Variants in PLAC1 observed in about 807,000 individuals in gnomAD.
PLAC1 encodes the protein placenta-specific protein 1.
For synonymous variants in PLAC1, 68 were observed against 62.1 expected (o/e 1.09, Z -0.44); for missense variants, 136 against 163.2 (o/e 0.83, Z 0.91).
intron 2 of PLAC1, among the ~76,000 whole-genome samples, chrX:134,586,643 G>C (rs1045934839): frequency 4.3e-4 from 46 of 106,395 alleles, no homozygotes; most frequent in African/African-American, 1.5e-3. Flanking sequence ...CCTTCTCCTC[G>C]CTAACATTTT....
chrX:134,575,763 C>T (rs1350411343), intron 2 of PLAC1, among the ~76,000 whole-genome samples: 16 of 88,192 alleles, frequency 1.8e-4, no homozygotes, highest in East Asian at 3.8e-4. Context: ...AATAAGACTC[C>T]GTCTCAAAAA....
At chrX:134,663,561 A>C (rs1211877958) in intron 2 of PLAC1, among the ~76,000 whole-genome samples, 2 of 112,510 alleles carry the variant, frequency 1.8e-5, no homozygotes, top group Non-Finnish European at 3.8e-5. Flanking sequence ...GAATAGGTTC[A>C]TGGTTCCTTT....
intron 2 of PLAC1, among the ~76,000 whole-genome samples, chrX:134,716,107 T>A (rs1260715573): frequency 8.9e-6 from 1 of 111,910 alleles, no homozygotes; most frequent in Admixed American, 9.4e-5. Flanking sequence ...CCTACCCCAG[T>A]CCCCTCCTCC....
intron 2 of PLAC1, among the ~76,000 whole-genome samples, chrX:134,723,778 A>G (rs763327929): frequency 8.9e-6 from 1 of 111,990 alleles, no homozygotes; most frequent in African/African-American, 3.2e-5. Flanking sequence ...ATACCTTTAA[A>G]AGAGTGAAGT....
intron 2 of PLAC1, among the ~76,000 whole-genome samples, chrX:134,713,749 A>G (rs1385338606): frequency 8.9e-6 from 1 of 112,284 alleles, no homozygotes; most frequent in African/African-American, 3.2e-5. Context: ...GGAGCAGAGA[A>G]GACGGGCCTA....
At chrX:134,725,451 A>G (rs1187628626) in intron 2 of PLAC1, among the ~76,000 whole-genome samples, 5 of 111,703 alleles carry the variant, frequency 4.5e-5, no homozygotes, top group African/African-American at 1.6e-4. Flanking sequence ...GCTTGTTAAA[A>G]CACAGCTGAC....
chrX:134,705,369 G>A (rs1261507639), intron 2 of PLAC1, among the ~76,000 whole-genome samples: 1 of 90,696 alleles, frequency 1.1e-5, no homozygotes, highest in African/African-American at 4.3e-5. Flanking sequence ...AGTGAGCCAA[G>A]ATCACATCAC....
intron 2 of PLAC1, among the ~76,000 whole-genome samples, chrX:134,673,916 G>T (rs1305435728): frequency 8.8e-6 from 1 of 113,093 alleles, no homozygotes; most frequent in Non-Finnish European, 1.9e-5. Context: ...CTTGTGTGGG[G>T]CTGGGTAGGA....
Position 134,722,701 on chromosome X carries a change from C to T in PLAC1, n.174+10734G>A, listed in dbSNP as rs548954554. ...ATATGAATTATATCTCAATAAAAAA[C>T]GAAAAAGTTATTTTTGCAGGGAGAT... On this transcript the variant is annotated intron_variant and non_coding_transcript_variant, in intron 2 of 2. Coordinates refer to the PLAC1 transcript ENST00000466797. 2.5e-3 allele frequency among the ~76,000 whole-genome samples: 283 copies of T among 111,781 alleles called. 1 individual carries two copies. Among genetic ancestry groups the T allele is most frequent in the African/African-American group, 7.9e-3 (245 of 30,820 alleles).
intron 1 of PLAC1, among the ~76,000 whole-genome samples, chrX:134,610,333 C>A (rs750100086): frequency 9.0e-6 from 1 of 110,897 alleles, no homozygotes; most frequent in Non-Finnish European, 1.9e-5. Context: ...TATACCTGGT[C>A]CCCCTCAACC....
chrX:134,730,021 C>T (rs773084893), intron 2 of PLAC1, among the ~76,000 whole-genome samples: 4 of 111,289 alleles, frequency 3.6e-5, no homozygotes, highest in Non-Finnish European at 5.7e-5. Flanking sequence ...GAACTCCTGA[C>T]CTCAAGTGAT....
At chrX:134,609,980 GA>G (rs1354060433) in intron 1 of PLAC1, among the ~76,000 whole-genome samples, 2 of 80,072 alleles carry the variant, frequency 2.5e-5, no homozygotes, top group Non-Finnish European at 5.2e-5. Context: ...ATCAGTGGAA[GA>G]AATTTTTTTT....
At chrX:134,708,667 T>C (rs147832101) in intron 2 of PLAC1, among the ~76,000 whole-genome samples, 308 of 108,394 alleles carry the variant, frequency 2.8e-3, no homozygotes, top group African/African-American at 9.7e-3. Flanking sequence ...GCCTCCCAAG[T>C]AGCTGGGATT....
intron 2 of PLAC1, among the ~76,000 whole-genome samples, chrX:134,584,381 T>C (rs1204030103): frequency 8.9e-6 from 1 of 111,734 alleles, no homozygotes; most frequent in Non-Finnish European, 1.9e-5. Context: ...GACCAAGTAG[T>C]AGGGTGCTAG....
intron 1 of PLAC1, among the ~76,000 whole-genome samples, chrX:134,639,310 C>A (rs1355416719): frequency 8.9e-6 from 1 of 111,928 alleles, no homozygotes; most frequent in Admixed American, 9.5e-5. Flanking sequence ...TAAATTACAA[C>A]TGCCTTTTTC....
chrX:134,626,085 T>C (rs2078235975), intron 1 of PLAC1, among the ~76,000 whole-genome samples: 2 of 111,088 alleles, frequency 1.8e-5, no homozygotes, highest in African/African-American at 3.3e-5. Flanking sequence ...GACCAGCGAC[T>C]TCAAGAGCCT....
At chrX:134,697,180 C>T (rs746824198) in intron 2 of PLAC1, among the ~76,000 whole-genome samples, 6 of 111,316 alleles carry the variant, frequency 5.4e-5, no homozygotes, top group Non-Finnish European at 7.5e-5. Context: ...AACATATCTC[C>T]CTGTTATCAT....
At chrX:134,577,613 G>A (rs181299005) in intron 2 of PLAC1, among the ~76,000 whole-genome samples, 1,997 of 110,884 alleles carry the variant, frequency 0.018, 42 homozygotes, top group African/African-American at 0.062. Flanking sequence ...CGCTTGAACT[G>A]GGGGGCAGAG....
chrX:134,732,431 C>A, intron 2 of PLAC1, among the ~76,000 whole-genome samples: 1 of 111,621 alleles, frequency 9.0e-6, no homozygotes, highest in East Asian at 2.8e-4. Context: ...AGATAAGAAC[C>A]ATTCATAATT....
Sources: gnomAD v4.1 joint callset for allele counts (sites outside exome capture counted in the v4.1 genomes callset) on GRCh38, gnomAD v4.1.1 for gene constraint, MANE v1.5 for transcripts, NCBI Gene and HGNC (gene_info 2026-07-23, HGNC 2026-07-21) for gene names.